Variants in PIP5K1B observed in about 807,000 individuals in gnomAD.
The protein encoded by PIP5K1B is phosphatidylinositol 4-phosphate 5-kinase type-1 beta.
In PIP5K1B, 42 loss-of-function variants were observed where a neutral mutation model predicts 67.0. The observed-to-expected ratio is 0.63, with a 90% CI of 0.49 to 0.81. The LOEUF (loss-of-function observed/expected upper bound fraction) is 0.81. Among genes scored for constraint, PIP5K1B ranks in the 30% least tolerant of loss-of-function variants. The probability of loss-of-function intolerance (pLI) is 0.00; values close to 1 mark genes in which losing one functional copy is unlikely to be tolerated. For missense variants in PIP5K1B, 459 were observed against 646.3 expected, an observed-to-expected ratio of 0.71 and a Z score of 3.14; for synonymous variants, 214 against 231.4, an observed-to-expected ratio of 0.92 and a Z score of 0.68.
chr9:68,804,469 C>T (rs1174274385), intron 2 of PIP5K1B, among the ~76,000 whole-genome samples: 2 of 152,006 alleles, frequency 1.3e-5, no homozygotes, highest in Non-Finnish European at 2.9e-5. Flanking sequence ...TTCAAATAGG[C>T]AGTATTAGCA....
chr9:68,877,949 A>G (rs1443664038), intron 6 of PIP5K1B, among the ~76,000 whole-genome samples: 3 of 151,682 alleles, frequency 2.0e-5, no homozygotes, highest in African/African-American at 7.3e-5. Flanking sequence ...CTCCCCTTTC[A>G]TTGAAGCCTC....
intron 2 of PIP5K1B, among the ~76,000 whole-genome samples, chr9:68,765,154 T>C (rs749784873): frequency 2.6e-5 from 4 of 152,110 alleles, no homozygotes; most frequent in African/African-American, 9.7e-5. Flanking sequence ...TCAGTTACAA[T>C]TGTTCATAAT....
chr9:68,781,327 G>T, intron 2 of PIP5K1B: 1 of 263,674 alleles, frequency 3.8e-6, no homozygotes, highest in Non-Finnish European at 7.7e-6. Flanking sequence ...AAATAACTGA[G>T]AGCTCTATTT....
At chr9:68,728,453 A>G (rs1303979742) in intron 1 of PIP5K1B, among the ~76,000 whole-genome samples, 2 of 152,112 alleles carry the variant, frequency 1.3e-5, no homozygotes, top group Non-Finnish European at 2.9e-5. Context: ...CCCACCTCGT[A>G]ATACCATCAT....
chr9:68,810,152 C>G (rs761006915), intron 2 of PIP5K1B, among the ~76,000 whole-genome samples: 1 of 152,194 alleles, frequency 6.6e-6, no homozygotes, highest in Non-Finnish European at 1.5e-5. Context: ...ACATACACAG[C>G]CTGAATGGCA....
intron 2 of PIP5K1B, among the ~76,000 whole-genome samples, chr9:68,771,357 G>C (rs983420047): frequency 2.6e-5 from 4 of 152,282 alleles, no homozygotes; most frequent in African/African-American, 7.2e-5. Context: ...TTTCTGATAA[G>C]CAGAATGGCT....
intron 1 of PIP5K1B, among the ~76,000 whole-genome samples, chr9:68,714,385 C>G (rs956509913): frequency 6.6e-6 from 1 of 152,182 alleles, no homozygotes; most frequent in Admixed American, 6.5e-5. Context: ...GATTTTGCTT[C>G]CTGAATATCT....
chr9:68,747,388 C>T lies in PIP5K1B; in HGVS notation c.-86+4731C>T, dbSNP rs138979091. Among the ~76,000 whole-genome samples, 82 of 151,684 alleles carry T rather than the reference C, an allele frequency of 5.4e-4. 2 individuals are homozygous for T. In the East Asian group the frequency reaches 0.015, roughly 28 times the overall value. On this transcript the variant is annotated intron_variant, in intron 2 of 15. Coordinates refer to ENST00000265382, the MANE Select transcript of PIP5K1B (RefSeq NM_003558.4). ...TGTTGGTTAGTTATTACTGCCACGT[C>T]GTTATAAAGTGCGCGCTGTAACATG...
chr9:68,878,920 A>G (rs1824034906), intron 6 of PIP5K1B, among the ~76,000 whole-genome samples: 1 of 152,168 alleles, frequency 6.6e-6, no homozygotes, highest in South Asian at 2.1e-4. Flanking sequence ...TGGAAGGGGC[A>G]CTGTAGAATC....
chr9:68,993,659 A>G (rs1830476918), intron 15 of PIP5K1B, among the ~76,000 whole-genome samples: 1 of 152,230 alleles, frequency 6.6e-6, no homozygotes, highest in Non-Finnish European at 1.5e-5. Flanking sequence ...AAAAAAATAC[A>G]TTTTTGGTCC....
chr9:68,957,234 G>GAAA lies in PIP5K1B; in HGVS notation c.1502+16453_1502+16455dup, dbSNP rs565344023. Among the ~76,000 whole-genome samples, 274 of 142,382 alleles carry GAAA rather than the reference G, an allele frequency of 1.9e-3. 1 individual carries two copies. The highest frequency in any genetic ancestry group is 6.4e-3 in the African/African-American group (250 of 39,082). 93.4% of individuals were successfully genotyped at this position (142,382 alleles called of 152,430 possible). A position where few individuals can be genotyped will look rare whatever the true frequency, so the allele number is the denominator to read the frequency against. On this transcript the variant is annotated intron_variant, in intron 14 of 15. Transcript: ENST00000265382. The stretch of plus-strand genomic sequence containing the variant: ...CTTCTGCAGGAAGGAAATAGAAAAA[G>GAAA]AAAAAAAAAAAGGTGGGGAGGGAGA...
intron 1 of PIP5K1B, among the ~76,000 whole-genome samples, chr9:68,723,179 TGAGA>T (rs754438778): frequency 2.7e-4 from 31 of 116,892 alleles, no homozygotes; most frequent in Admixed American, 4.5e-4. Context: ...TGTGTGTGTG[TGAGA>T]GAGAGAGAGA....
At chr9:68,856,757 G>A (rs1822798459) in intron 4 of PIP5K1B, among the ~76,000 whole-genome samples, 4 of 152,336 alleles carry the variant, frequency 2.6e-5, no homozygotes, top group Admixed American at 2.0e-4. Flanking sequence ...ACTGAATGGG[G>A]TTCTGAGGGA....
chr9:68,772,306 T>C (rs938614023), intron 2 of PIP5K1B, among the ~76,000 whole-genome samples: 1 of 152,190 alleles, frequency 6.6e-6, no homozygotes, highest in African/African-American at 2.4e-5. Flanking sequence ...GCTCTTCTTA[T>C]TTTGTCTGAG....
At chr9:68,733,936 C>T (rs1416848032) in intron 1 of PIP5K1B, among the ~76,000 whole-genome samples, 2 of 152,062 alleles carry the variant, frequency 1.3e-5, no homozygotes, top group Non-Finnish European at 2.9e-5. Flanking sequence ...CTGTGCCCGG[C>T]AATACTTAGA....
intron 1 of PIP5K1B, among the ~76,000 whole-genome samples, chr9:68,736,138 C>CTA (rs1828727254): frequency 1.3e-5 from 2 of 151,992 alleles, no homozygotes; most frequent in African/African-American, 4.8e-5. Flanking sequence ...CTTGTGGGGA[C>CTA]TTGGTCTTTT....
chr9:68,755,029 G>A (rs1306245683), intron 2 of PIP5K1B, among the ~76,000 whole-genome samples: 1 of 152,170 alleles, frequency 6.6e-6, no homozygotes. Flanking sequence ...ATTTTATTGT[G>A]TTGCTCTTTC....
At chr9:68,849,865 C>T (rs1822393734) in intron 4 of PIP5K1B, among the ~76,000 whole-genome samples, 1 of 152,108 alleles carries the variant, frequency 6.6e-6, no homozygotes, top group African/African-American at 2.4e-5. Flanking sequence ...ATTTACCTTT[C>T]TAAATTGAGC....
chr9:68,812,807 T>G (rs939112114), intron 2 of PIP5K1B, among the ~76,000 whole-genome samples: 1 of 152,236 alleles, frequency 6.6e-6, no homozygotes, highest in Non-Finnish European at 1.5e-5. Flanking sequence ...GTGGTTTAAG[T>G]CAGGTTATCA....
Sources: gnomAD v4.1 joint callset for allele counts (sites outside exome capture counted in the v4.1 genomes callset) on GRCh38, gnomAD v4.1.1 for gene constraint, MANE v1.5 for transcripts, NCBI Gene and HGNC (gene_info 2026-07-23, HGNC 2026-07-21) for gene names.